Variants in ADARB2 observed in about 807,000 individuals in gnomAD.
The protein encoded by ADARB2 is adenosine deaminase RNA specific B2 (inactive), also known as inactive double-stranded RNA-specific editase B2.
Under a neutral mutation model 62.2 loss-of-function variants are expected in ADARB2, and 25 were observed. That is an observed-to-expected ratio of 0.40 (90% CI 0.29 to 0.56). ADARB2 has a LOEUF of 0.56. ADARB2 is among the 20% of genes least tolerant of loss of function. ADARB2 has a pLI of 0.43. For synonymous variants in ADARB2, 572 were observed against 500.8 expected, an observed-to-expected ratio of 1.14 and a Z score of -1.90; for missense variants, 1,071 against 1,077.4, an observed-to-expected ratio of 0.99 and a Z score of 0.08.
At chr10:1,324,779 G>A (rs1296018320) in intron 3 of ADARB2, among the ~76,000 whole-genome samples, 1 of 152,150 alleles carries the variant, frequency 6.6e-6, no homozygotes, top group African/African-American at 2.4e-5. Flanking sequence ...GGGCCCTGTG[G>A]GATGGGTGAT....
At chr10:1,524,811 T>C (rs1052352101) in intron 1 of ADARB2, among the ~76,000 whole-genome samples, 1 of 152,068 alleles carries the variant, frequency 6.6e-6, no homozygotes, top group Non-Finnish European at 1.5e-5. Flanking sequence ...CAGTGAGCGG[T>C]GACACAAAGG....
intron 4 of ADARB2, among the ~76,000 whole-genome samples, chr10:1,262,712 A>C (rs1490996578): frequency 6.6e-6 from 1 of 152,208 alleles, no homozygotes; most frequent in Non-Finnish European, 1.5e-5. Flanking sequence ...CCATTGTGGA[A>C]GTCAGTGTGG....
At chr10:1,568,989 G>A (rs763779051) in intron 1 of ADARB2, among the ~76,000 whole-genome samples, 7 of 152,108 alleles carry the variant, frequency 4.6e-5, no homozygotes, top group Non-Finnish European at 1.0e-4. Context: ...ATTAGAAGGC[G>A]AGGCGAGATG....
At position 1,392,082 on chromosome 10, in the gene ADARB2, C is replaced by T. The variant is rs915893678; in HGVS notation, c.101-12922G>A. Among the ~76,000 whole-genome samples, 9 of 152,236 alleles carry T rather than the reference C, an allele frequency of 5.9e-5. 1 individual carries two copies. Among genetic ancestry groups the T allele is most frequent in the Admixed American group, 4.6e-4 (7 of 15,290 alleles). On this transcript the variant is annotated intron_variant, in intron 1 of 9. Coordinates refer to ENST00000381312, the MANE Select transcript of ADARB2 (RefSeq NM_018702.4). The stretch of plus-strand genomic sequence containing the variant: ...TGCCTGGTCAGAATTTGATCTAATA[C>T]TCTACCTCCTAAAAAGCACTAAATA...
At chr10:1,213,672 C>T (rs1837191618) in intron 7 of ADARB2, among the ~76,000 whole-genome samples, 1 of 152,234 alleles carries the variant, frequency 6.6e-6, no homozygotes, top group African/African-American at 2.4e-5. Context: ...GTGACAATTT[C>T]CACAAACTTG....
In ADARB2 at chr10:1,557,625, C is replaced by T. The variant is rs539869175; in HGVS notation, c.101-178465G>A. On this transcript the variant is annotated intron_variant, in intron 1 of 9. Coordinates refer to ENST00000381312, the MANE Select transcript of ADARB2 (RefSeq NM_018702.4). ...TATTTTATCAAAAGAACTTCCGGGC[C>T]GGGTGCAGTGGCTCACACCTGTAAT... Among the ~76,000 whole-genome samples, 156 of 152,286 alleles carry T rather than the reference C, an allele frequency of 1.0e-3. 1 individual carries two copies. The highest frequency in any genetic ancestry group is 7.5e-4 in the Non-Finnish European group (51 of 68,030).
chr10:1,570,306 T>G (rs1832917463), intron 1 of ADARB2, among the ~76,000 whole-genome samples: 1 of 152,176 alleles, frequency 6.6e-6, no homozygotes, highest in African/African-American at 2.4e-5. Context: ...TAAACACATG[T>G]GTTTGCTTTG....
In ADARB2 at chr10:1,426,975, C is replaced by T. The variant is rs981638647; in HGVS notation, c.101-47815G>A. 6.6e-6 allele frequency among the ~76,000 whole-genome samples: 1 copy of T among 152,260 alleles called. No individual in the cohort carries two copies. The highest frequency in any genetic ancestry group is 2.4e-5 in the African/African-American group (1 of 41,466). On this transcript the variant is annotated intron_variant, in intron 1 of 9. Transcript: ENST00000381312. This position sits in a 1 kb window ranked among gnomAD's most constrained non-coding sequence, Gnocchi z 4.1. ...GAGGCCACAGAGCTATGTGTCGGCCCCACGCTTGGGCAGACCACTGCAGGC... is the reference window on the plus strand; with the variant it reads ...GAGGCCACAGAGCTATGTGTCGGCCTCACGCTTGGGCAGACCACTGCAGGC...
chr10:1,415,452 T>C (rs1473199621), intron 1 of ADARB2, among the ~76,000 whole-genome samples: 1 of 151,814 alleles, frequency 6.6e-6, no homozygotes, highest in Admixed American at 6.6e-5. Context: ...GACAGATGAG[T>C]TGATGAGTGG....
chr10:1,473,636 C>T (rs1384620872), intron 1 of ADARB2, among the ~76,000 whole-genome samples: 1 of 152,200 alleles, frequency 6.6e-6, no homozygotes, highest in Non-Finnish European at 1.5e-5. Context: ...CCTGCCTTGG[C>T]CTCCCAAAGT....
At chr10:1,341,522 A>G (rs1311965592) in intron 3 of ADARB2, among the ~76,000 whole-genome samples, 1 of 146,352 alleles carries the variant, frequency 6.8e-6, no homozygotes, top group African/African-American at 2.6e-5. Context: ...CATGCCCCAC[A>G]GCGGCAATAA....
intron 1 of ADARB2, among the ~76,000 whole-genome samples, chr10:1,489,718 C>CTTCTTTTGAGA (rs1831596028): frequency 6.6e-6 from 1 of 152,112 alleles, no homozygotes; most frequent in South Asian, 2.1e-4. Context: ...CTTCTCAAAC[C>CTTCTTTTGAGA]AGCACTTTCT....
At chr10:1,215,032 T>C (rs550548966) in intron 7 of ADARB2, among the ~76,000 whole-genome samples, 1 of 151,790 alleles carries the variant, frequency 6.6e-6, no homozygotes, top group South Asian at 2.1e-4. Flanking sequence ...TCTGTGTAGA[T>C]CCCGGGGAGC....
intron 1 of ADARB2, among the ~76,000 whole-genome samples, chr10:1,696,323 T>C (rs1834746178): frequency 6.6e-6 from 1 of 152,180 alleles, no homozygotes; most frequent in African/African-American, 2.4e-5. Context: ...TGCACGTGTG[T>C]TTTGTGTTCA....
chr10:1,205,193 G>A (rs1837036553), intron 7 of ADARB2, among the ~76,000 whole-genome samples: 1 of 152,202 alleles, frequency 6.6e-6, no homozygotes, highest in Non-Finnish European at 1.5e-5. Flanking sequence ...CTCGGCTGGC[G>A]CCACGTGGAG....
intron 1 of ADARB2, among the ~76,000 whole-genome samples, chr10:1,729,200 T>C (rs1835202508): frequency 6.6e-6 from 1 of 152,222 alleles, no homozygotes; most frequent in Admixed American, 6.5e-5. Flanking sequence ...GCTACCTATG[T>C]TTTTCTTTAC....
At chr10:1,455,260 C>T (rs1831083359) in intron 1 of ADARB2, among the ~76,000 whole-genome samples, 1 of 152,124 alleles carries the variant, frequency 6.6e-6, no homozygotes, top group South Asian at 2.1e-4. Context: ...TCAAGCGCCA[C>T]CTGGAAGAAA....
intron 1 of ADARB2, among the ~76,000 whole-genome samples, chr10:1,407,431 C>G (rs767961539): frequency 4.1e-4 from 62 of 152,192 alleles, no homozygotes; most frequent in Non-Finnish European, 8.2e-4. Context: ...TGGCGGTGGT[C>G]CCATTGGTGA....
chr10:1,491,461 T>G (rs1045886742), intron 1 of ADARB2, among the ~76,000 whole-genome samples: 2 of 152,192 alleles, frequency 1.3e-5, no homozygotes, highest in African/African-American at 4.8e-5. Context: ...GCCTACAGAA[T>G]GTTAAGAAAT....
Sources: allele counts gnomAD v4.1 joint callset (sites outside exome capture counted in the v4.1 genomes callset), GRCh38; gene constraint gnomAD v4.1.1; non-coding constraint Gnocchi (gnomAD v3.1); transcripts MANE v1.5; gene names NCBI Gene and HGNC (gene_info 2026-07-23, HGNC 2026-07-21).